Variants in PCED1B observed in about 807,000 individuals in gnomAD.
PCED1B encodes PC-esterase domain containing 1B, also known as PC-esterase domain-containing protein 1B.
For missense variants in PCED1B, 573 were observed against 573.9 expected (o/e 1.00, Z 0.02); for synonymous variants, 251 against 246.1 (o/e 1.02, Z -0.19).
chr12:47,134,317 A>C (rs1940255056), intron 2 of PCED1B, among the ~76,000 whole-genome samples: 2 of 152,164 alleles, frequency 1.3e-5, no homozygotes, highest in Non-Finnish European at 2.9e-5. Context: ...TATCAACATG[A>C]AACTTTTTCC....
chr12:47,172,635 C>A (rs1941789631), intron 2 of PCED1B, among the ~76,000 whole-genome samples: 2 of 152,162 alleles, frequency 1.3e-5, no homozygotes, highest in Admixed American at 1.3e-4. Flanking sequence ...CATTTCCTAG[C>A]TTTATGAACT....
chr12:47,180,631 A>G (rs1021843738), intron 2 of PCED1B, among the ~76,000 whole-genome samples: 4 of 152,244 alleles, frequency 2.6e-5, no homozygotes, highest in African/African-American at 9.6e-5. Context: ...TCTGCACCGC[A>G]AAAGAAACCA....
At chr12:47,204,876 C>T (rs140942775) in intron 2 of PCED1B, among the ~76,000 whole-genome samples, 164 of 152,268 alleles carry the variant, frequency 1.1e-3, no homozygotes, top group Admixed American at 3.6e-3. Flanking sequence ...TCAGTTGCCT[C>T]CGTAATCATT....
At position 47,235,052 on chromosome 12, in the gene PCED1B, G is replaced by T. The variant is rs555026825; in HGVS notation, c.-12G>T. 6.6e-7 allele frequency: 1 copy of T among 1,521,532 alleles called. No homozygotes were observed. The highest frequency in any genetic ancestry group is 2.3e-5 in the East Asian group (1 of 44,068). The allele number at this position is 1,521,532 out of a possible 1,614,324, so 94.3% of individuals were successfully genotyped here. ...TGCAAAGGAAGGAGCTAGGCTGTGC[G>T]CCCTGGGCGTCATGATCCTTCTGCG... is the stretch of plus-strand genomic sequence containing the variant. On this transcript the variant is annotated 5_prime_UTR_variant, in exon 4 of 4. Coordinates refer to ENST00000546455, the MANE Select transcript of PCED1B (RefSeq NM_138371.3).
At chr12:47,156,874 G>T (rs1297000102) in intron 2 of PCED1B, among the ~76,000 whole-genome samples, 1 of 152,070 alleles carries the variant, frequency 6.6e-6, no homozygotes, top group Non-Finnish European at 1.5e-5. Context: ...CAAGTCATTT[G>T]ACCTCTCTAA....
At chr12:47,204,633 T>C (rs1205690730) in intron 2 of PCED1B, among the ~76,000 whole-genome samples, 3 of 152,188 alleles carry the variant, frequency 2.0e-5, no homozygotes, top group African/African-American at 7.2e-5. Flanking sequence ...GTGTGTATTA[T>C]GCTGTTAATT....
At chr12:47,182,578 G>A (rs1159347397) in intron 2 of PCED1B, among the ~76,000 whole-genome samples, 2 of 148,630 alleles carry the variant, frequency 1.3e-5, no homozygotes, top group Middle Eastern at 3.5e-3. Context: ...GTGACAGAGC[G>A]AGACTCCATC....
At chr12:47,157,900 C>A (rs944018713) in intron 2 of PCED1B, among the ~76,000 whole-genome samples, 16 of 152,160 alleles carry the variant, frequency 1.1e-4, no homozygotes, top group African/African-American at 3.9e-4. Flanking sequence ...CAGTATTTGT[C>A]TTTTGGTAGC....
chr12:47,235,284 T>C lies in PCED1B; in HGVS notation c.221T>C (p.Leu74Pro). ...GGQRGHMHNGLNYREVREFRS... is the reference protein window; with the variant it reads ...GGQRGHMHNGPNYREVREFRS... The stretch of plus-strand genomic sequence containing the variant: ...CAGCGGGGCCACATGCACAACGGCC[T>C]TAACTACCGTGAGGTCCGCGAGTTC... The change falls in exon 4 of 4, where the codon CTT (leucine) becomes CCT (proline). Residue 74 changes from leucine to proline, a missense_variant. Transcript: ENST00000546455. 1 of 1,614,106 alleles carries C rather than the reference T, an allele frequency of 6.2e-7. No individual in the cohort carries two copies. The highest frequency in any genetic ancestry group is 8.5e-7 in the Non-Finnish European group (1 of 1,180,032).
At chr12:47,119,165 G>A (rs991428270) in intron 2 of PCED1B, among the ~76,000 whole-genome samples, 1 of 151,708 alleles carries the variant, frequency 6.6e-6, no homozygotes, top group Non-Finnish European at 1.5e-5. Flanking sequence ...AATAGTGCTG[G>A]GACAACTGCA....
rs1474263476 is a variant in PCED1B at position 47,183,624 on chromosome 12, C to T, written c.-525-32598C>T. ...TAACACCTATATATCACCCATTGAA[C>T]GGGTATTTTACTGAACACAGTACAG... On this transcript the variant is annotated intron_variant, in intron 2 of 3. Coordinates refer to ENST00000546455, the MANE Select transcript of PCED1B (RefSeq NM_138371.3). Among the ~76,000 whole-genome samples, 5 of 151,846 alleles carry T rather than the reference C, an allele frequency of 3.3e-5. 1 individual carries two copies. Among genetic ancestry groups the T allele is most frequent in the Admixed American group, 1.3e-4 (2 of 15,214 alleles).
intron 2 of PCED1B, among the ~76,000 whole-genome samples, chr12:47,207,530 C>G: frequency 6.6e-6 from 1 of 152,312 alleles, no homozygotes; most frequent in Non-Finnish European, 1.5e-5. Flanking sequence ...CAGATGGGCA[C>G]GTGGGCAGGC....
chr12:47,122,141 G>A (rs73101439), intron 2 of PCED1B, among the ~76,000 whole-genome samples: 2,672 of 151,690 alleles, frequency 0.018, 42 homozygotes, highest in Non-Finnish European at 0.03. Context: ...TAATAAAATG[G>A]ACATTTAATA....
intron 1 of PCED1B, among the ~76,000 whole-genome samples, chr12:47,083,347 C>T (rs994941032): frequency 1.1e-4 from 17 of 151,908 alleles, no homozygotes; most frequent in Admixed American, 7.9e-4. Context: ...CTTTTTTCGG[C>T]GTGAGGCACA....
At chr12:47,174,109 G>C (rs2137567989) in intron 2 of PCED1B, among the ~76,000 whole-genome samples, 1 of 151,980 alleles carries the variant, frequency 6.6e-6, no homozygotes, top group African/African-American at 2.4e-5. Context: ...GTGAGACTCT[G>C]TCTCTATAAA....
chr12:47,186,473 G>C (rs184978885), intron 2 of PCED1B, among the ~76,000 whole-genome samples: 76 of 149,566 alleles, frequency 5.1e-4, no homozygotes, highest in Non-Finnish European at 2.6e-4. Context: ...TTACTGGTAG[G>C]GGGGTAGAGG....
chr12:47,168,913 G>A (rs1189510618), intron 2 of PCED1B, among the ~76,000 whole-genome samples: 1 of 151,958 alleles, frequency 6.6e-6, no homozygotes, highest in African/African-American at 2.4e-5. Flanking sequence ...TTTCAACCAA[G>A]AGTATGACCA....
intron 1 of PCED1B, among the ~76,000 whole-genome samples, chr12:47,095,203 A>C (rs1025648154): frequency 1.3e-5 from 2 of 151,576 alleles, no homozygotes; most frequent in Admixed American, 1.3e-4. Context: ...TATTTGAAGG[A>C]TATGATTGCA....
chr12:47,134,400 AGAG>A (rs1940260167), intron 2 of PCED1B, among the ~76,000 whole-genome samples: 1 of 152,186 alleles, frequency 6.6e-6, no homozygotes, highest in Non-Finnish European at 1.5e-5. Flanking sequence ...AGTGAAATAC[AGAG>A]AAGATATCCC....
Sources: allele counts gnomAD v4.1 joint callset (sites outside exome capture counted in the v4.1 genomes callset), GRCh38; gene constraint gnomAD v4.1.1; transcripts MANE v1.5; gene names NCBI Gene and HGNC (gene_info 2026-07-23, HGNC 2026-07-21).